The following ARB2A variants were observed in gnomAD, a reference collection of about 807,000 sequenced individuals.
The protein encoded by ARB2A is ARB2 cotranscriptional regulator A.
the ARB2A span, among the ~76,000 whole-genome samples, chr5:93,705,635 G>A: frequency 2.0e-5 from 3 of 147,742 alleles, no homozygotes; most frequent in African/African-American, 7.8e-5. Flanking sequence ...GTGTGTGTGT[G>A]TGTGTGTGTG....
chr5:93,745,320 T>G, the ARB2A span, among the ~76,000 whole-genome samples: 191 of 152,324 alleles, frequency 1.3e-3, 1 homozygote, highest in African/African-American at 4.4e-3. Flanking sequence ...ATTTGCTGCC[T>G]TAAACAGCTG....
the ARB2A span, among the ~76,000 whole-genome samples, chr5:94,066,422 G>GCACACA: frequency 0.017 from 2,244 of 132,486 alleles, 28 homozygotes; most frequent in East Asian, 0.024. Context: ...GCCAGACTAA[G>GCACACA]CACACACACA....
the ARB2A span, among the ~76,000 whole-genome samples, chr5:93,943,876 A>C: frequency 6.6e-6 from 1 of 152,230 alleles, no homozygotes; most frequent in Non-Finnish European, 1.5e-5. Flanking sequence ...AAAAATCAAA[A>C]TGAAATGAAA....
chr5:93,868,896 C>T, the ARB2A span, among the ~76,000 whole-genome samples: 7 of 152,118 alleles, frequency 4.6e-5, no homozygotes, highest in African/African-American at 1.4e-4. Context: ...AATCGCATTT[C>T]GACTGCCTTA....
At chr5:94,040,996 T>C in the ARB2A span, among the ~76,000 whole-genome samples, 1 of 152,266 alleles carries the variant, frequency 6.6e-6, no homozygotes, top group East Asian at 1.9e-4. Context: ...GCCAGGTTAC[T>C]AGGGCCGCTG....
At chr5:93,908,998 T>C in the ARB2A span, among the ~76,000 whole-genome samples, 7 of 151,064 alleles carry the variant, frequency 4.6e-5, no homozygotes, top group Admixed American at 2.0e-4. Context: ...AACTTCAGAA[T>C]CTGAAATTTT....
chr5:93,806,063 A>G, the ARB2A span: 4 of 446,976 alleles, frequency 8.9e-6, no homozygotes, highest in East Asian at 6.3e-4. Context: ...CAAGTAAATT[A>G]TGCAAGATGA....
the ARB2A span, among the ~76,000 whole-genome samples, chr5:93,752,401 T>C: frequency 6.6e-6 from 1 of 152,212 alleles, no homozygotes; most frequent in Non-Finnish European, 1.5e-5. Context: ...TTCAGTTATT[T>C]ATCTAAAAGC....
chr5:93,758,294 T>C, the ARB2A span, among the ~76,000 whole-genome samples: 1 of 152,016 alleles, frequency 6.6e-6, no homozygotes, highest in Non-Finnish European at 1.5e-5. Flanking sequence ...AATATAAAAA[T>C]AGTAGGGAAC....
At chr5:93,783,388 T>C in the ARB2A span, among the ~76,000 whole-genome samples, 10 of 152,184 alleles carry the variant, frequency 6.6e-5, no homozygotes, top group African/African-American at 2.2e-4. Context: ...GAAAAACAAG[T>C]GATAACAGAC....
At chr5:93,942,626 A>G in the ARB2A span, among the ~76,000 whole-genome samples, 1 of 151,842 alleles carries the variant, frequency 6.6e-6, no homozygotes, top group African/African-American at 2.4e-5. Context: ...AGTTAAGTCA[A>G]TAACTACAAG....
At chr5:93,950,878 A>G in the ARB2A span, among the ~76,000 whole-genome samples, 1 of 151,274 alleles carries the variant, frequency 6.6e-6, no homozygotes, top group South Asian at 2.1e-4. Context: ...CAGGAGGTGG[A>G]GGCTGCAGCG....
chr5:93,965,297 T>C, the ARB2A span, among the ~76,000 whole-genome samples: 2 of 151,956 alleles, frequency 1.3e-5, no homozygotes, highest in Non-Finnish European at 2.9e-5. Context: ...TAAAGTGGAA[T>C]AACCTTCAGT....
chr5:94,094,035 C>A, the ARB2A span, among the ~76,000 whole-genome samples: 1 of 152,186 alleles, frequency 6.6e-6, no homozygotes, highest in Admixed American at 6.5e-5. Context: ...TGGTTTGACA[C>A]TCTGTTCTCC....
chr5:93,725,892 T>C, the ARB2A span, among the ~76,000 whole-genome samples: 3 of 152,120 alleles, frequency 2.0e-5, no homozygotes, highest in South Asian at 2.1e-4. Flanking sequence ...TCTTAGGATA[T>C]AGGTAGGTGG....
chr5:93,852,044 G>A, the ARB2A span, among the ~76,000 whole-genome samples: 1 of 152,152 alleles, frequency 6.6e-6, no homozygotes, highest in Non-Finnish European at 1.5e-5. Context: ...CTTCCACAAG[G>A]GTTGAACCAG....
the ARB2A span, among the ~76,000 whole-genome samples, chr5:94,038,412 A>G: frequency 6.6e-6 from 1 of 151,998 alleles, no homozygotes. Context: ...AGCTAACAGT[A>G]TTTTTCTAAA....
At chr5:93,943,963 A>C in the ARB2A span, among the ~76,000 whole-genome samples, 4 of 152,190 alleles carry the variant, frequency 2.6e-5, no homozygotes, top group African/African-American at 9.6e-5. Context: ...GAAACTAAAA[A>C]ACTCTAACTC....
At chr5:94,088,534 AGCCAG>A in the ARB2A span, among the ~76,000 whole-genome samples, 1 of 152,124 alleles carries the variant, frequency 6.6e-6, no homozygotes, top group African/African-American at 2.4e-5. Context: ...TTTAAAAATT[AGCCAG>A]ATGCATTGGC....
Sources: gnomAD v4.1 joint callset for allele counts (sites outside exome capture counted in the v4.1 genomes callset) on GRCh38, gnomAD v4.1.1 for gene constraint, MANE v1.5 for transcripts, NCBI Gene and HGNC (gene_info 2026-07-23, HGNC 2026-07-21) for gene names.